C9: variants seen among roughly 807,000 people sequenced by gnomAD.
C9 encodes the protein complement component C9.
A neutral mutation model predicts 65.4 loss-of-function variants in C9; 63 were observed. The ratio of observed to expected loss-of-function variants is 0.96; its 90% CI spans 0.79 to 1.19. The LOEUF is 1.19. C9 is among the 50% of genes most tolerant of loss of function. C9 has a pLI of 0.00. For synonymous variants in C9, 229 were observed against 227.9 expected (o/e 1.00, Z -0.04); for missense variants, 744 against 670.1 (o/e 1.11, Z -1.22).
At chr5:39,323,823 A>G (rs116261422) in intron 5 of C9, among the ~76,000 whole-genome samples, 4,479 of 152,200 alleles carry the variant, frequency 0.029, 202 homozygotes, top group African/African-American at 0.099. Context: ...GCAATTATGC[A>G]AAAGAAAGAG....
At chr5:39,303,411 T>C (rs2111869356) in intron 9 of C9, among the ~76,000 whole-genome samples, 1 of 152,034 alleles carries the variant, frequency 6.6e-6, no homozygotes, top group South Asian at 2.1e-4. Context: ...AGCAGACAAA[T>C]GGGGCCTCAA....
At chr5:39,302,191 T>C (rs696133) in intron 9 of C9, among the ~76,000 whole-genome samples, 2,688 of 152,208 alleles carry the variant, frequency 0.018, 95 homozygotes, top group African/African-American at 0.062. Flanking sequence ...AAAATTAAAA[T>C]GTACTTTTTG....
chr5:39,328,904 A>C (rs1247886117), intron 5 of C9, among the ~76,000 whole-genome samples: 1 of 152,200 alleles, frequency 6.6e-6, no homozygotes, highest in Non-Finnish European at 1.5e-5. Context: ...AACAAGAAAT[A>C]CTTGGCAGTC....
chr5:39,321,602 T>A (rs73078511), intron 5 of C9, among the ~76,000 whole-genome samples: 260 of 152,050 alleles, frequency 1.7e-3, no homozygotes, highest in African/African-American at 5.9e-3. Flanking sequence ...ATGTACTCAA[T>A]CAAGAGATGC....
At chr5:39,317,224 T>C (rs528557818) in intron 5 of C9, among the ~76,000 whole-genome samples, 2 of 152,190 alleles carry the variant, frequency 1.3e-5, no homozygotes, top group Admixed American at 1.3e-4. Context: ...TTTGTTTAAG[T>C]TCCTCATAGA....
intron 1 of C9, among the ~76,000 whole-genome samples, chr5:39,346,519 A>T (rs372175638): frequency 3.9e-5 from 6 of 152,106 alleles, no homozygotes; most frequent in African/African-American, 1.4e-4. Context: ...TGAAATTGAG[A>T]CAATAATTAA....
intron 7 of C9, among the ~76,000 whole-genome samples, chr5:39,309,345 GA>G (rs1753437646): frequency 1.3e-5 from 2 of 151,884 alleles, no homozygotes; most frequent in Admixed American, 1.3e-4. Context: ...AAAAAGGAAA[GA>G]AAAAAATGAA....
intron 9 of C9, among the ~76,000 whole-genome samples, chr5:39,302,911 G>A (rs1218206379): frequency 6.6e-6 from 1 of 152,084 alleles, no homozygotes; most frequent in African/African-American, 2.4e-5. Flanking sequence ...TGAGATTAAA[G>A]AGTAATATTT....
intron 5 of C9, 137 bp from the exon 6 acceptor site, chr5:39,316,166 G>A: frequency 3.0e-6 from 2 of 673,340 alleles, no homozygotes; most frequent in Non-Finnish European, 5.0e-6. Flanking sequence ...AAGTGATGGA[G>A]TCAGATTCCT....
At chr5:39,322,328 G>A (rs983455584) in intron 5 of C9, among the ~76,000 whole-genome samples, 1 of 151,928 alleles carries the variant, frequency 6.6e-6, no homozygotes, top group African/African-American at 2.4e-5. Flanking sequence ...CTTATGGAAT[G>A]CAGCATAAGC....
chr5:39,312,366 C>T (rs1208027205), intron 6 of C9, among the ~76,000 whole-genome samples: 2 of 152,088 alleles, frequency 1.3e-5, no homozygotes, highest in East Asian at 1.9e-4. Flanking sequence ...CAATAAAGCC[C>T]AATCTTGCTA....
At chr5:39,336,484 T>C (rs1326440367) in intron 4 of C9, among the ~76,000 whole-genome samples, 1 of 152,152 alleles carries the variant, frequency 6.6e-6, no homozygotes, top group East Asian at 1.9e-4. Context: ...GTATTAAAAA[T>C]TCTTTATTAA....
chr5:39,311,255 T>A lies in C9; in HGVS notation c.993A>T (p.Glu331Asp), dbSNP rs773344659. Residue 331 changes from glutamate (E) to aspartate (D), a missense_variant, in exon 7 of 11, where the codon GAA (glutamate) becomes GAT (aspartate). By Grantham distance (45) the Glu-to-Asp change is conservative (BLOSUM62 2). Coordinates refer to ENST00000263408, the MANE Select transcript of C9 (RefSeq NM_001737.5). ...DDIKALPTTY[E>D]KGEYFAFLET... ...CCAAAAAGGCAAAATATTCTCCCTT[T>A]TCATAGGTAGTTGGCAAAGCTTTTA... 1.2e-6 allele frequency: 2 copies of A among 1,613,768 alleles called. No individual in the cohort carries two copies. The highest frequency in any genetic ancestry group is 2.7e-5 in the African/African-American group (2 of 74,928).
At chr5:39,288,272 G>A (rs2111834254) in intron 10 of C9, among the ~76,000 whole-genome samples, 1 of 151,664 alleles carries the variant, frequency 6.6e-6, no homozygotes, top group East Asian at 1.9e-4. Context: ...TTGGGGGGCG[G>A]GGATGTGGTA....
intron 1 of C9, among the ~76,000 whole-genome samples, chr5:39,362,605 C>T (rs1353945399): frequency 6.6e-6 from 1 of 152,170 alleles, no homozygotes; most frequent in Admixed American, 6.5e-5. Flanking sequence ...AATAAAACCA[C>T]ATCTTACAGA....
At chr5:39,340,532 C>G (rs1754056399) in intron 4 of C9, among the ~76,000 whole-genome samples, 1 of 152,132 alleles carries the variant, frequency 6.6e-6, no homozygotes, top group Non-Finnish European at 1.5e-5. Context: ...GAGTTCTAAA[C>G]TCCAAGACAT....
At chr5:39,304,100 A>G (rs1362140251) in intron 9 of C9, among the ~76,000 whole-genome samples, 1 of 152,120 alleles carries the variant, frequency 6.6e-6, no homozygotes, top group Non-Finnish European at 1.5e-5. Context: ...CCAGAAATAC[A>G]CTACAGGAAC....
intron 9 of C9, among the ~76,000 whole-genome samples, chr5:39,289,784 A>G (rs1261221481): frequency 6.6e-6 from 1 of 151,856 alleles, no homozygotes; most frequent in Non-Finnish European, 1.5e-5. Flanking sequence ...ACGATGAACT[A>G]AAGGCATATG....
At chr5:39,347,323 G>A (rs56370824) in intron 1 of C9, among the ~76,000 whole-genome samples, 5,171 of 152,238 alleles carry the variant, frequency 0.034, 105 homozygotes, top group African/African-American at 0.042. Flanking sequence ...CTTCAGCAAA[G>A]TCTCAGGATA....
Sources: gnomAD v4.1 joint callset for allele counts (sites outside exome capture counted in the v4.1 genomes callset) on GRCh38, gnomAD v4.1.1 for gene constraint, MANE v1.5 for transcripts, NCBI Gene and HGNC (gene_info 2026-07-23, HGNC 2026-07-21) for gene names.